MAP4K4: variants seen among roughly 807,000 people sequenced by gnomAD.
MAP4K4 encodes HPK/GCK-like kinase HGK.
Under a neutral mutation model 189.6 loss-of-function variants are expected in MAP4K4, and 38 were observed. The ratio of observed to expected loss-of-function variants is 0.20; its 90% CI spans 0.15 to 0.26. The LOEUF (loss-of-function observed/expected upper bound fraction) is 0.26, where lower values mean the gene tolerates loss of function less well. Among genes scored for constraint, MAP4K4 ranks in the 10% least tolerant of loss-of-function variants. The pLI, the probability that MAP4K4 is intolerant of heterozygous loss-of-function variation, is 1.00. For synonymous variants in MAP4K4, 610 were observed against 624.3 expected (o/e 0.98, Z 0.34); for missense variants, 1,054 against 1,726.9 (o/e 0.61, Z 6.91).
intron 6 of MAP4K4, among the ~76,000 whole-genome samples, chr2:101,831,201 C>T (rs1361098855): frequency 6.6e-6 from 1 of 151,970 alleles, no homozygotes; most frequent in Non-Finnish European, 1.5e-5. Flanking sequence ...GCAGAAGTTC[C>T]AAGTGCTTTA....
At chr2:101,806,324 G>C (rs2094923641) in intron 3 of MAP4K4, among the ~76,000 whole-genome samples, 1 of 151,728 alleles carries the variant, frequency 6.6e-6, no homozygotes, top group African/African-American at 2.4e-5. Flanking sequence ...GAGTGAGGGG[G>C]AAGGCATTTA....
At chr2:101,863,584 C>A (rs2097731725) in intron 16 of MAP4K4, among the ~76,000 whole-genome samples, 1 of 152,044 alleles carries the variant, frequency 6.6e-6, no homozygotes, top group Non-Finnish European at 1.5e-5. Context: ...TAATGTTTGT[C>A]TGGATATTAA....
chr2:101,892,768 T>C, exon 33 of MAP4K4: 1 of 396,250 alleles, frequency 2.5e-6, no homozygotes, highest in South Asian at 1.8e-5. Flanking sequence ...TTTATGAATA[T>C]ATTCATGACA....
intron 10 of MAP4K4, among the ~76,000 whole-genome samples, chr2:101,842,164 C>T (rs1427889235): frequency 6.6e-6 from 1 of 152,200 alleles, no homozygotes; most frequent in Non-Finnish European, 1.5e-5. Flanking sequence ...CTCTGCTGCA[C>T]TCTCCGTGGA....
chr2:101,880,537 C>T (rs1343950100), intron 27 of MAP4K4, among the ~76,000 whole-genome samples: 3 of 149,174 alleles, frequency 2.0e-5, no homozygotes, highest in African/African-American at 7.4e-5. Flanking sequence ...GACACGGAGT[C>T]TCAATCTGTC....
At chr2:101,755,929 C>CTTTTTTTTTT (rs57392183) in intron 2 of MAP4K4, among the ~76,000 whole-genome samples, 5 of 57,792 alleles carry the variant, frequency 8.7e-5, no homozygotes, top group Non-Finnish European at 9.3e-5. Flanking sequence ...AGTTCTTTTT[C>CTTTTTTTTTT]TTTTTTTTTT....
intron 2 of MAP4K4, among the ~76,000 whole-genome samples, chr2:101,707,268 G>A (rs2042820969): frequency 6.6e-6 from 1 of 150,642 alleles, no homozygotes; most frequent in African/African-American, 2.4e-5. Context: ...GAGTGCAGTG[G>A]CGCCATCTTG....
Position 101,807,246 on chromosome 2 carries a change from C to T in MAP4K4, c.180+16470C>T, listed in dbSNP as rs191009230. On this transcript the variant is annotated intron_variant, in intron 3 of 32. Coordinates refer to ENST00000324219, the Ensembl canonical transcript of MAP4K4. Reference sequence around the variant, plus strand: ...TTTATTTTTTAATTTTTTTTAGAGACAGGGTCTCACTATATTGCCCAGGCT... The same window carrying T: ...TTTATTTTTTAATTTTTTTTAGAGATAGGGTCTCACTATATTGCCCAGGCT... Among the ~76,000 whole-genome samples, 421 of 151,916 alleles carry T rather than the reference C, an allele frequency of 2.8e-3. 2 individuals carry two copies. Among genetic ancestry groups the T allele is most frequent in the Middle Eastern group, 0.01 (3 of 294 alleles).
At chr2:101,733,875 G>C (rs1489240647) in intron 2 of MAP4K4, among the ~76,000 whole-genome samples, 1 of 152,200 alleles carries the variant, frequency 6.6e-6, no homozygotes, top group African/African-American at 2.4e-5. Context: ...TCACATACTA[G>C]CTGTGTGACC....
At chr2:101,842,379 G>A (rs913659266) in intron 10 of MAP4K4, among the ~76,000 whole-genome samples, 1 of 152,150 alleles carries the variant, frequency 6.6e-6, no homozygotes, top group Non-Finnish European at 1.5e-5. Flanking sequence ...AGGTTGGCTC[G>A]AATGCCGTGG....
rs1475943127 is a variant in MAP4K4 at position 101,721,345 on chromosome 2, G to T, written c.123+22807G>T. On this transcript the variant is annotated intron_variant, in intron 2 of 32. Coordinates refer to ENST00000324219, the Ensembl canonical transcript of MAP4K4. ...TTCCAAAGAGGAGATTGCCCGTTTT[G>T]TAAAGGAGGGATAGCTGATTGGGCA... Among the ~76,000 whole-genome samples, 5 of 151,424 alleles carry T rather than the reference G, an allele frequency of 3.3e-5. No homozygotes were observed. In the South Asian group the frequency reaches 1.0e-3, roughly 32 times the overall value.
chr2:101,834,945 G>A (rs1322907623), intron 8 of MAP4K4, among the ~76,000 whole-genome samples: 1 of 152,100 alleles, frequency 6.6e-6, no homozygotes, highest in Non-Finnish European at 1.5e-5. Context: ...ATAATTCATT[G>A]TTGATCACGG....
chr2:101,787,871 T>C (rs950640262), intron 2 of MAP4K4, among the ~76,000 whole-genome samples: 4 of 149,972 alleles, frequency 2.7e-5, no homozygotes, highest in African/African-American at 4.9e-5. Context: ...TGGCACGATC[T>C]CAGCTCACTG....
chr2:101,848,077 A>G (rs191237423), intron 12 of MAP4K4, among the ~76,000 whole-genome samples: 1 of 152,316 alleles, frequency 6.6e-6, no homozygotes, highest in Non-Finnish European at 1.5e-5. Flanking sequence ...AATAGGCTGT[A>G]CCATCTAGGT....
At position 101,788,478 on chromosome 2, in the gene MAP4K4, A is replaced by G. The variant is rs564368227; in HGVS notation, c.124-2242A>G. Among the ~76,000 whole-genome samples the G allele has an allele frequency of 1.2e-4, 19 of 152,360 alleles. 1 individual carries two copies. In the South Asian group the frequency reaches 2.5e-3, roughly 20 times the overall value. On this transcript the variant is annotated intron_variant, in intron 2 of 32. Transcript: ENST00000324219. ...GTGATGGACAAGGAAAGAGAGCTCA[A>G]AGCTGCCTGGGTCCCAGATTAATTT...
chr2:101,714,056 A>C (rs2047103491), intron 2 of MAP4K4, among the ~76,000 whole-genome samples: 1 of 87,950 alleles, frequency 1.1e-5, no homozygotes, highest in African/African-American at 3.0e-5. Context: ...CAATAGAGAC[A>C]AACCTCAAAT....
At chr2:101,818,455 A>G (rs957432773) in intron 3 of MAP4K4, among the ~76,000 whole-genome samples, 26 of 152,158 alleles carry the variant, frequency 1.7e-4, no homozygotes, top group African/African-American at 5.6e-4. Flanking sequence ...TCACCTGGCA[A>G]ATGCTCAGAA....
chr2:101,866,145 G>A (rs2097803433), intron 18 of MAP4K4, among the ~76,000 whole-genome samples: 1 of 152,162 alleles, frequency 6.6e-6, no homozygotes, highest in Non-Finnish European at 1.5e-5. Flanking sequence ...GACAGAAATG[G>A]TGCTGCTTCT....
rs58201235 is a variant in MAP4K4 at position 101,797,889 on chromosome 2, G to GTTTTTT, written c.180+7129_180+7134dup. On this transcript the variant is annotated intron_variant, in intron 3 of 32. Transcript: ENST00000324219. ...TGAAGCTTTTTAAAACATTCTTTTA[G>GTTTTTT]TTTTTTTTTTTTTTTTTTTTTGGAG... 2.8e-3 allele frequency among the ~76,000 whole-genome samples: 147 copies of GTTTTTT among 52,108 alleles called. 10 individuals are homozygous for GTTTTTT. The highest frequency in any genetic ancestry group is 4.2e-3 in the Admixed American group (13 of 3,108). 34.2% of individuals were successfully genotyped at this position (52,108 alleles called of 152,430 possible).
Sources: gnomAD v4.1 joint callset for allele counts (sites outside exome capture counted in the v4.1 genomes callset) on GRCh38, gnomAD v4.1.1 for gene constraint, MANE v1.5 for transcripts, NCBI Gene and HGNC (gene_info 2026-07-23, HGNC 2026-07-21) for gene names.